KYNU: variants seen among roughly 807,000 people sequenced by gnomAD.
KYNU encodes the protein kynureninase.
A neutral mutation model predicts 59.2 loss-of-function variants in KYNU; 54 were observed. The observed-to-expected ratio is 0.91, with a 90% CI of 0.73 to 1.14. The LOEUF (loss-of-function observed/expected upper bound fraction) is 1.14. Ranked by LOEUF, KYNU falls within the 50% of genes most tolerant of loss-of-function variation. The probability of loss-of-function intolerance (pLI) is 0.00; values close to 1 mark genes in which losing one functional copy is unlikely to be tolerated. For synonymous variants in KYNU, 177 were observed against 192.0 expected, an observed-to-expected ratio of 0.92 and a Z score of 0.65; for missense variants, 567 against 554.4, an observed-to-expected ratio of 1.02 and a Z score of -0.23.
intron 8 of KYNU, among the ~76,000 whole-genome samples, chr2:142,965,497 C>T (rs1684499668): frequency 6.6e-6 from 1 of 152,190 alleles, no homozygotes; most frequent in South Asian, 2.1e-4. Flanking sequence ...TGAGTGCCAT[C>T]TCCCAAGTTT....
intron 1 of KYNU, among the ~76,000 whole-genome samples, chr2:142,881,079 A>G (rs531181259): frequency 3.9e-5 from 6 of 152,362 alleles, no homozygotes; most frequent in Admixed American, 3.9e-4. Flanking sequence ...GCATTGGAGC[A>G]TTAGGTCTTT....
chr2:142,904,863 G>A (rs542382897), intron 2 of KYNU, among the ~76,000 whole-genome samples: 19 of 152,104 alleles, frequency 1.2e-4, no homozygotes, highest in East Asian at 1.9e-4. Context: ...CCCTTTTCCC[G>A]CCTTTCTTGA....
At chr2:143,007,103 T>C (rs1685932581) in intron 10 of KYNU, among the ~76,000 whole-genome samples, 1 of 151,940 alleles carries the variant, frequency 6.6e-6, no homozygotes, top group African/African-American at 2.4e-5. Flanking sequence ...ACGATCAAAT[T>C]ACTCTGAGCT....
chr2:142,975,895 T>C (rs561464239), intron 8 of KYNU, among the ~76,000 whole-genome samples: 2 of 152,292 alleles, frequency 1.3e-5, no homozygotes, highest in East Asian at 3.9e-4. Context: ...ATTCAATGAG[T>C]TCCTTGATTG....
chr2:142,910,313 T>C (rs2104969574), intron 2 of KYNU, among the ~76,000 whole-genome samples: 1 of 152,022 alleles, frequency 6.6e-6, no homozygotes, highest in South Asian at 2.1e-4. Context: ...ATTTTTTGTA[T>C]TTTTAGTAGA....
intron 13 of KYNU, among the ~76,000 whole-genome samples, 172 bp from the exon 14 acceptor site, chr2:143,041,875 G>A (rs1687067232): frequency 6.6e-6 from 1 of 151,666 alleles, no homozygotes; most frequent in African/African-American, 2.4e-5. Context: ...ATTATCAAGA[G>A]AAAAGTTTCA....
chr2:142,940,504 T>C (rs1041172994), intron 4 of KYNU, among the ~76,000 whole-genome samples: 3 of 152,222 alleles, frequency 2.0e-5, no homozygotes, highest in African/African-American at 7.2e-5. Context: ...AAGAGCCTTG[T>C]TGACACATAA....
chr2:142,964,641 G>A (rs115752465), intron 8 of KYNU: 33 of 152,168 alleles, frequency 2.2e-4, no homozygotes, highest in African/African-American at 7.5e-4. Flanking sequence ...TCTTTTCCTG[G>A]TTTGATTGTA....
intron 4 of KYNU, among the ~76,000 whole-genome samples, chr2:142,945,551 T>G (rs1200511664): frequency 6.6e-6 from 1 of 152,146 alleles, no homozygotes; most frequent in East Asian, 1.9e-4. Context: ...TCCATGAGGG[T>G]TGGAATAAAC....
intron 4 of KYNU, among the ~76,000 whole-genome samples, chr2:142,930,309 A>G (rs1358777053): frequency 6.6e-6 from 1 of 152,204 alleles, no homozygotes; most frequent in African/African-American, 2.4e-5. Flanking sequence ...AATTCTGTTT[A>G]AAATACAATT....
chr2:142,898,191 A>C (rs552950454), intron 2 of KYNU, among the ~76,000 whole-genome samples: 10 of 152,322 alleles, frequency 6.6e-5, no homozygotes, highest in African/African-American at 1.9e-4. Flanking sequence ...AATTCTTTTC[A>C]AAACCAGCAA....
At chr2:142,970,766 C>G (rs916527241) in intron 8 of KYNU, among the ~76,000 whole-genome samples, 10 of 152,162 alleles carry the variant, frequency 6.6e-5, no homozygotes, top group Admixed American at 5.2e-4. Flanking sequence ...AACTTCAGCT[C>G]TTTATGATTT....
rs750940210 is a variant in KYNU, at chr2:143,053,664, G to A, written c.*11492G>A. The stretch of plus-strand genomic sequence containing the variant: ...GTTTCCCTGCCCAAGTTCTTCTCTT[G>A]TCTGCCATCATGTGCGATGTGCCTT... On this transcript the variant is annotated 3_prime_UTR_variant, in exon 14 of 14. Transcript: ENST00000264170. 1 of 152,372 alleles carries A rather than the reference G, an allele frequency of 6.6e-6. No individual in the cohort carries two copies. The highest frequency in any genetic ancestry group is 1.5e-5 in the Non-Finnish European group (1 of 68,234). The allele number at this position is 152,372 out of a possible 1,614,324, so 9.4% of individuals were successfully genotyped here. A position where few individuals can be genotyped will look rare whatever the true frequency, so the allele number is the denominator to read the frequency against.
chr2:142,957,865 T>C (rs1684222039), intron 7 of KYNU, 150 bp downstream of exon 7: 2 of 618,896 alleles, frequency 3.2e-6, no homozygotes, highest in Admixed American at 2.8e-5. Context: ...TATTAGATCA[T>C]TTTGCTTAAA....
intron 4 of KYNU, among the ~76,000 whole-genome samples, chr2:142,929,207 C>T (rs458398): frequency 6.6e-6 from 1 of 151,388 alleles, no homozygotes; most frequent in Non-Finnish European, 1.5e-5. Context: ...TGTAACTACT[C>T]TTTTTTCTAA....
intron 2 of KYNU, among the ~76,000 whole-genome samples, chr2:142,900,478 C>G (rs1001997826): frequency 2.6e-5 from 4 of 152,164 alleles, no homozygotes; most frequent in African/African-American, 4.8e-5. Flanking sequence ...TATCCCTCCC[C>G]CTGTGCTCTC....
chr2:142,929,744 A>C (rs747626074), intron 4 of KYNU, among the ~76,000 whole-genome samples: 2 of 152,178 alleles, frequency 1.3e-5, no homozygotes, highest in Non-Finnish European at 2.9e-5. Flanking sequence ...TGAAAGAGTT[A>C]AGTTATTATC....
At chr2:143,012,926 G>C (rs903338863) in intron 10 of KYNU, among the ~76,000 whole-genome samples, 1 of 151,968 alleles carries the variant, frequency 6.6e-6, no homozygotes, top group Non-Finnish European at 1.5e-5. Context: ...ATTTTTTTTA[G>C]ATTTCATACA....
intron 3 of KYNU, among the ~76,000 whole-genome samples, chr2:142,922,247 C>T (rs1573793736): frequency 1.3e-5 from 2 of 152,120 alleles, no homozygotes; most frequent in Admixed American, 1.3e-4. Flanking sequence ...AAGGCTGTAA[C>T]CCCAGGACTT....
Sources: allele counts gnomAD v4.1 joint callset (sites outside exome capture counted in the v4.1 genomes callset), GRCh38; gene constraint gnomAD v4.1.1; transcripts MANE v1.5; gene names NCBI Gene and HGNC (gene_info 2026-07-23, HGNC 2026-07-21).